Variants in ABCB1 observed in about 807,000 individuals in gnomAD.
ABCB1 encodes ATP-dependent translocase ABCB1.
In ABCB1, 69 loss-of-function variants were observed where a neutral mutation model predicts 142.0. The ratio of observed to expected loss-of-function variants is 0.49; its 90% CI spans 0.40 to 0.59. The LOEUF is 0.59. ABCB1 is among the 20% of genes least tolerant of loss of function. The pLI is 0.00. For missense variants in ABCB1, 1,326 were observed against 1,554.7 expected (o/e 0.85, Z 2.47); for synonymous variants, 532 against 539.2 (o/e 0.99, Z 0.18).
intron 4 of ABCB1, among the ~76,000 whole-genome samples, chr7:87,583,283 TA>T (rs1818597542): frequency 6.6e-6 from 1 of 152,164 alleles, no homozygotes; most frequent in Non-Finnish European, 1.5e-5. Flanking sequence ...ACTTAATAAC[TA>T]AAGTATGAAT....
chr7:87,683,281 T>A (rs1203675623), intron 1 of ABCB1, among the ~76,000 whole-genome samples: 1 of 152,212 alleles, frequency 6.6e-6, no homozygotes. Flanking sequence ...AATAAGGCTC[T>A]TTCACTTCCT....
chr7:87,683,607 A>G (rs903614115), intron 1 of ABCB1, among the ~76,000 whole-genome samples: 4 of 152,176 alleles, frequency 2.6e-5, no homozygotes, highest in African/African-American at 7.2e-5. Flanking sequence ...ACATTTATCA[A>G]TTAAGCTTGC....
At chr7:87,574,036 A>C (rs1818173356) in intron 4 of ABCB1, among the ~76,000 whole-genome samples, 1 of 152,228 alleles carries the variant, frequency 6.6e-6, no homozygotes, top group Non-Finnish European at 1.5e-5. Flanking sequence ...CTGAGAAGAA[A>C]ATAAGTAGTT....
intron 1 of ABCB1, among the ~76,000 whole-genome samples, chr7:87,613,726 G>C (rs1336789781): frequency 6.6e-6 from 1 of 152,154 alleles, no homozygotes; most frequent in African/African-American, 2.4e-5. Context: ...GGGAGCAAGA[G>C]TTGATCTATT....
chr7:87,705,633 A>G (rs1335612521), intron 1 of ABCB1, among the ~76,000 whole-genome samples: 1 of 152,190 alleles, frequency 6.6e-6, no homozygotes, highest in Non-Finnish European at 1.5e-5. Flanking sequence ...GTTATGGAAC[A>G]TGAGACTTTT....
intron 1 of ABCB1, among the ~76,000 whole-genome samples, chr7:87,647,188 T>A (rs932688458): frequency 6.6e-6 from 1 of 152,228 alleles, no homozygotes; most frequent in Non-Finnish European, 1.5e-5. Flanking sequence ...TAGGGTGGCA[T>A]TTCTGAAAGT....
At position 87,545,911 on chromosome 7, in the gene ABCB1, A is replaced by C; in HGVS notation, c.1839T>G (p.Asp613Glu). ...AAATGCCTTTCTCTTTCATGAGTTC[A>C]TCATGATTTCCTTTCTCCACAATGA... ...DGVIVEKGNH[D>E]ELMKEKGIYF... Residue 613 changes from aspartate to glutamate, a missense_variant, in exon 15 of 28, where the codon GAT (aspartate) becomes GAG (glutamate). Asp to Glu is a conservative substitution (Grantham distance 45, BLOSUM62 2). Transcript: ENST00000622132. The C allele has an allele frequency of 1.2e-6, 2 of 1,614,174 alleles. No individual in the cohort carries two copies. The highest frequency in any genetic ancestry group is 1.1e-5 in the South Asian group (1 of 91,086).
chr7:87,626,750 G>GTC (rs1369638946), intron 1 of ABCB1, among the ~76,000 whole-genome samples: 2 of 47,090 alleles, frequency 4.2e-5, no homozygotes, highest in Non-Finnish European at 6.3e-5. Context: ...TCATATATAT[G>GTC]TCATATATAT....
At chr7:87,640,192 GTA>G (rs772972684) in intron 1 of ABCB1, among the ~76,000 whole-genome samples, 1,615 of 145,364 alleles carry the variant, frequency 0.011, 27 homozygotes, top group African/African-American at 0.037. Flanking sequence ...ATATATATGT[GTA>G]TATATATATA....
At chr7:87,516,808 C>T (rs1372341945) in intron 23 of ABCB1, 143 bp from the exon 24 acceptor site, 1 of 842,738 alleles carries the variant, frequency 1.2e-6, no homozygotes, top group Non-Finnish European at 1.8e-6. Context: ...GCAATCAGAG[C>T]TCACTAAAGA....
chr7:87,531,583 G>T, intron 20 of ABCB1, 86 bp from the exon 21 acceptor site: 1 of 1,221,258 alleles, frequency 8.2e-7, no homozygotes, highest in Non-Finnish European at 1.2e-6. Flanking sequence ...ACCTTCATGA[G>T]ACTATATTCA....
chr7:87,546,133 A>G (rs1816769156), intron 14 of ABCB1, 109 bp from the exon 15 acceptor site: 4 of 1,062,922 alleles, frequency 3.8e-6, no homozygotes, highest in East Asian at 2.4e-5. Context: ...TAAAACCATC[A>G]AATCTATATA....
At position 87,628,124 on chromosome 7, in the gene ABCB1, G is replaced by A. The variant is rs139348648; in HGVS notation, c.-330-27046C>T. 4.6e-5 allele frequency among the ~76,000 whole-genome samples: 7 copies of A among 152,288 alleles called. No homozygotes were observed. The East Asian group carries it at 5.8e-4, about 13-fold the overall frequency. On this transcript the variant is annotated intron_variant, in intron 1 of 28. Transcript: ENST00000265724. Reference sequence around the variant, plus strand: ...CCGTTAAAGCTTGGCTACAGGCAAGGGGGGGGCAATAGGCCCCTGGCGCTG... The same window carrying A: ...CCGTTAAAGCTTGGCTACAGGCAAGAGGGGGGCAATAGGCCCCTGGCGCTG...
chr7:87,709,634 C>G (rs1002726662), intron 1 of ABCB1: 6 of 447,154 alleles, frequency 1.3e-5, no homozygotes, highest in African/African-American at 1.3e-4. Context: ...CTTTCCTATC[C>G]CATAGTTTGG....
At chr7:87,638,066 T>A (rs542461046) in intron 1 of ABCB1, among the ~76,000 whole-genome samples, 1 of 152,242 alleles carries the variant, frequency 6.6e-6, no homozygotes, top group Non-Finnish European at 1.5e-5. Context: ...ATTAAATTTT[T>A]TTTGTCTTTC....
At chr7:87,662,609 T>C (rs1173181926) in intron 1 of ABCB1, among the ~76,000 whole-genome samples, 1 of 152,178 alleles carries the variant, frequency 6.6e-6, no homozygotes, top group East Asian at 1.9e-4. Flanking sequence ...TCCATTGGTC[T>C]ATGTATCTCT....
chr7:87,586,498 C>T (rs1035720119), intron 3 of ABCB1, among the ~76,000 whole-genome samples: 2 of 152,120 alleles, frequency 1.3e-5, no homozygotes, highest in Non-Finnish European at 1.5e-5. Context: ...GTAAAGCCAG[C>T]TGTGGGTGTC....
At position 87,591,902 on chromosome 7, in the gene ABCB1, G is replaced by A. The variant is rs562938136; in HGVS notation, c.117+3864C>T. On this transcript the variant is annotated intron_variant, in intron 3 of 27. Coordinates refer to ENST00000622132, the MANE Select transcript of ABCB1 (RefSeq NM_001348946.2). ...TGAGGAACTTAACTTTACAGGCGAG[G>A]GCAGCACAAGAAAAAGCCAAAGAGC... Among the ~76,000 whole-genome samples, 35 of 152,198 alleles carry A rather than the reference G, an allele frequency of 2.3e-4. No individual in the cohort carries two copies. The South Asian group carries it at 7.1e-3, about 31-fold the overall frequency.
chr7:87,645,151 C>T (rs1822867094), intron 1 of ABCB1, among the ~76,000 whole-genome samples: 1 of 149,542 alleles, frequency 6.7e-6, no homozygotes, highest in African/African-American at 2.5e-5. Context: ...GGCACGATCT[C>T]GGATCACTGC....
Sources: gnomAD v4.1 joint callset for allele counts (sites outside exome capture counted in the v4.1 genomes callset) on GRCh38, gnomAD v4.1.1 for gene constraint, MANE v1.5 for transcripts, NCBI Gene and HGNC (gene_info 2026-07-23, HGNC 2026-07-21) for gene names.